TMEM132C: variants seen among roughly 807,000 people sequenced by gnomAD.
TMEM132C encodes transmembrane protein 132C, also known as protein phosphatase 1, regulatory subunit 152.
Under a neutral mutation model 61.4 loss-of-function variants are expected in TMEM132C, and 29 were observed. That is an observed-to-expected ratio of 0.47 (90% CI 0.35 to 0.64). TMEM132C has a LOEUF of 0.64. Ranked by LOEUF, TMEM132C falls within the 30% of genes least tolerant of loss-of-function variation. The pLI, the probability that TMEM132C is intolerant of heterozygous loss-of-function variation, is 0.00. For missense variants in TMEM132C, 1,408 were observed against 1,476.9 expected (o/e 0.95, Z 0.76); for synonymous variants, 656 against 633.1 (o/e 1.04, Z -0.54).
intron 2 of TMEM132C, among the ~76,000 whole-genome samples, chr12:128,520,752 C>A (rs1872880052): frequency 1.3e-5 from 2 of 151,108 alleles, no homozygotes; most frequent in South Asian, 4.3e-4. Flanking sequence ...TTATTTTAAA[C>A]CTGGGAGAGA....
chr12:128,567,402 G>T (rs1874736893), intron 3 of TMEM132C, among the ~76,000 whole-genome samples: 1 of 151,142 alleles, frequency 6.6e-6, no homozygotes, highest in African/African-American at 2.4e-5. Flanking sequence ...GTTGCTAAGA[G>T]AGATCATAAG....
intron 1 of TMEM132C, among the ~76,000 whole-genome samples, chr12:128,350,837 A>G (rs545041771): frequency 6.6e-6 from 1 of 151,914 alleles, no homozygotes; most frequent in East Asian, 1.9e-4. Flanking sequence ...AAATTTTGCT[A>G]TATAAAGGCA....
chr12:128,431,298 G>T (rs915951725), intron 2 of TMEM132C, among the ~76,000 whole-genome samples: 1 of 152,192 alleles, frequency 6.6e-6, no homozygotes, highest in African/African-American at 2.4e-5. Context: ...TGTGAAGGCT[G>T]AGGGAGGTGA....
In TMEM132C at chr12:128,415,313, G is replaced by T; in HGVS notation, c.667G>T (p.Gly223Trp). Residue 223 changes from glycine to tryptophan, a missense_variant, in exon 2 of 9, where the codon GGG (glycine) becomes TGG (tryptophan). Coordinates refer to ENST00000435159, the MANE Select transcript of TMEM132C (RefSeq NM_001136103.3). The surrounding 1 kb of genome is among the most constrained non-coding windows in gnomAD (Gnocchi z 5.8). ...GRKKSMDQPE[G>W]TPVELYYTVH... ...GAAGAAGTCCATGGACCAGCCGGAG[G>T]GGACCCCTGTGGAGCTCTACTACAC... The T allele has an allele frequency of 1.3e-6, 2 of 1,592,992 alleles. No homozygotes were observed. The highest frequency in any genetic ancestry group is 3.3e-4 in the Middle Eastern group (2 of 6,048).
At chr12:128,604,186 G>T (rs1876313812) in intron 3 of TMEM132C, among the ~76,000 whole-genome samples, 1 of 152,188 alleles carries the variant, frequency 6.6e-6, no homozygotes, top group Non-Finnish European at 1.5e-5. Context: ...CAGATTTATG[G>T]ATACGTGGGA....
intron 1 of TMEM132C, among the ~76,000 whole-genome samples, chr12:128,279,011 C>A (rs1870792218): frequency 6.6e-6 from 1 of 152,086 alleles, no homozygotes; most frequent in African/African-American, 2.4e-5. Flanking sequence ...TTTGGACTTG[C>A]CAGACTCCAT....
At chr12:128,592,266 G>A (rs541640553) in intron 3 of TMEM132C, among the ~76,000 whole-genome samples, 45 of 152,228 alleles carry the variant, frequency 3.0e-4, no homozygotes, top group African/African-American at 8.2e-4. Flanking sequence ...GTTTTTACAC[G>A]CCTGTATCGC....
chr12:128,589,088 G>A (rs1021097073), intron 3 of TMEM132C, among the ~76,000 whole-genome samples: 1 of 152,134 alleles, frequency 6.6e-6, no homozygotes, highest in African/African-American at 2.4e-5. Context: ...TGCAGGGTGT[G>A]TCAGGCTCCA....
At chr12:128,606,470 C>T (rs1325040195) in intron 3 of TMEM132C, among the ~76,000 whole-genome samples, 1 of 152,220 alleles carries the variant, frequency 6.6e-6, no homozygotes, top group African/African-American at 2.4e-5. Context: ...TGCCCAGCCT[C>T]CTTTCTTAAT....
intron 1 of TMEM132C, among the ~76,000 whole-genome samples, chr12:128,320,158 C>T (rs1023026289): frequency 6.6e-5 from 10 of 152,098 alleles, no homozygotes; most frequent in Non-Finnish European, 8.8e-5. Flanking sequence ...ATATTTTTCT[C>T]GGATGAATTG....
intron 1 of TMEM132C, among the ~76,000 whole-genome samples, chr12:128,285,160 A>T (rs1871015974): frequency 1.3e-5 from 2 of 152,206 alleles, no homozygotes. Context: ...AGGAGGGATA[A>T]GTTCCAGCAC....
At chr12:128,664,021 C>A (rs1175306951) in intron 4 of TMEM132C, among the ~76,000 whole-genome samples, 5 of 143,630 alleles carry the variant, frequency 3.5e-5, no homozygotes, top group Non-Finnish European at 7.6e-5. Context: ...CGCATACACA[C>A]AGGCACACGC....
At chr12:128,665,898 C>G in intron 4 of TMEM132C, among the ~76,000 whole-genome samples, 1 of 149,796 alleles carries the variant, frequency 6.7e-6, no homozygotes. Context: ...CACAGCCACA[C>G]ACACATTCAC....
chr12:128,532,924 A>G (rs1391131268), intron 2 of TMEM132C, among the ~76,000 whole-genome samples: 2 of 152,062 alleles, frequency 1.3e-5, no homozygotes, highest in East Asian at 3.9e-4. Context: ...ATCCTAAGAC[A>G]CTGTTAGTTT....
At chr12:128,568,395 T>G (rs1431456453) in intron 3 of TMEM132C, among the ~76,000 whole-genome samples, 1 of 152,222 alleles carries the variant, frequency 6.6e-6, no homozygotes, top group Non-Finnish European at 1.5e-5. Context: ...ACAAAGGATT[T>G]TAGACAATTT....
chr12:128,666,361 C>T (rs1199603120), intron 4 of TMEM132C, among the ~76,000 whole-genome samples: 4 of 152,156 alleles, frequency 2.6e-5, no homozygotes, highest in Non-Finnish European at 4.4e-5. Flanking sequence ...ATTTTTTTCT[C>T]TCTGCCTTCA....
At chr12:128,560,756 A>G (rs1179239749) in intron 3 of TMEM132C, among the ~76,000 whole-genome samples, 1 of 152,258 alleles carries the variant, frequency 6.6e-6, no homozygotes, top group Non-Finnish European at 1.5e-5. Context: ...TATTTGCTGC[A>G]TGAATACATG....
intron 3 of TMEM132C, among the ~76,000 whole-genome samples, chr12:128,573,392 A>G (rs1248288872): frequency 1.3e-5 from 2 of 152,126 alleles, no homozygotes; most frequent in Non-Finnish European, 2.9e-5. Context: ...CATAGGTGGG[A>G]ATTGAACAAT....
chr12:128,500,504 CAAATA>C (rs1240950755), intron 2 of TMEM132C, among the ~76,000 whole-genome samples: 4 of 151,892 alleles, frequency 2.6e-5, no homozygotes, highest in Non-Finnish European at 4.4e-5. Flanking sequence ...GACAAAAAGT[CAAATA>C]ATTCCACTTT....
Sources: allele counts gnomAD v4.1 joint callset (sites outside exome capture counted in the v4.1 genomes callset), GRCh38; gene constraint gnomAD v4.1.1; non-coding constraint Gnocchi (gnomAD v3.1); transcripts MANE v1.5; gene names NCBI Gene and HGNC (gene_info 2026-07-23, HGNC 2026-07-21).